Variants in CD8B observed in about 807,000 individuals in gnomAD.
CD8B encodes CD8 subunit beta.
In CD8B, 6 loss-of-function variants were observed where a neutral mutation model predicts 24.2. The ratio of observed to expected loss-of-function variants is 0.25; its 90% CI spans 0.14 to 0.49. The LOEUF (loss-of-function observed/expected upper bound fraction) is 0.49. CD8B is among the 20% of genes least tolerant of loss of function. The pLI is 0.98. For synonymous variants in CD8B, 84 were observed against 108.3 expected, an observed-to-expected ratio of 0.78 and a Z score of 1.39; for missense variants, 196 against 271.3, an observed-to-expected ratio of 0.72 and a Z score of 1.95.
chr2:86,842,105 C>G lies in CD8B; in HGVS notation c.*202G>C, dbSNP rs1432702403. On this transcript the variant is annotated 3_prime_UTR_variant, in exon 6 of 6. Coordinates refer to ENST00000390655, the MANE Select transcript of CD8B (RefSeq NM_004931.5). ...TGCCCTGGGGGCAATGAAACCTTCT[C>G]CCTAGTATTCCCGATGACCCACGAA... 3 of 1,380,114 alleles carry G rather than the reference C, an allele frequency of 2.2e-6. No homozygotes were observed. The highest frequency in any genetic ancestry group is 1.8e-5 in the South Asian group (1 of 55,172). 85.5% of individuals were successfully genotyped at this position (1,380,114 alleles called of 1,614,324 possible).
At chr2:86,838,055 C>T (rs1448030638), downstream of CD8B, among the ~76,000 whole-genome samples, 3 of 152,196 alleles carry the variant, frequency 2.0e-5, no homozygotes, top group Admixed American at 6.5e-5. Flanking sequence ...CACCTCGGAC[C>T]TGCCTCACCG....
At chr2:86,844,511 A>T (rs1024419463) in intron 5 of CD8B, 204 of 648,664 alleles carry the variant, frequency 3.1e-4, no homozygotes, top group Admixed American at 4.6e-4. Flanking sequence ...TATTCTGTGC[A>T]TGCAAAGCCT....
At chr2:86,827,558 A>T (rs1477112107) in intron 5 of CD8B, among the ~76,000 whole-genome samples, 1 of 151,262 alleles carries the variant, frequency 6.6e-6, no homozygotes, top group Non-Finnish European at 1.5e-5. Context: ...GGAGGCAGAG[A>T]TTGCAGTGAG....
At chr2:86,820,649 A>G (rs1573485000) in intron 5 of CD8B, among the ~76,000 whole-genome samples, 2 of 152,126 alleles carry the variant, frequency 1.3e-5, no homozygotes, top group South Asian at 4.1e-4. Context: ...CTTTATTGTG[A>G]TATTTGCTTT....
intron 2 of CD8B, 59 bp downstream of exon 2, chr2:86,857,998 C>T: frequency 1.9e-6 from 3 of 1,571,530 alleles, no homozygotes; most frequent in Non-Finnish European, 2.6e-6. Flanking sequence ...GGTCCCAGTG[C>T]CTGGCACGTG....
chr2:86,844,457 G>A (rs1005350275), intron 5 of CD8B: 1 of 167,982 alleles, frequency 6.0e-6, no homozygotes, highest in Non-Finnish European at 1.2e-5. Flanking sequence ...GAAATAATAG[G>A]TGGGATGAAA....
In CD8B at chr2:86,838,851, C is replaced by T. The variant is rs2104533027; in HGVS notation, c.*3456G>A. ...CAATTTTACACATTTCTACAATGTT[C>T]TGTACTTGGATTTTAAAAAGTCTCT... On this transcript the variant is annotated 3_prime_UTR_variant, in exon 6 of 6. Coordinates refer to ENST00000390655, the MANE Select transcript of CD8B (RefSeq NM_004931.5). Among the ~76,000 whole-genome samples the T allele has an allele frequency of 6.6e-6, 1 of 152,274 alleles. No individual in the cohort carries two copies. The highest frequency in any genetic ancestry group is 1.5e-5 in the Non-Finnish European group (1 of 68,022).
intron 5 of CD8B, chr2:86,822,520 C>A: frequency 1.8e-6 from 1 of 551,262 alleles, no homozygotes; most frequent in Non-Finnish European, 3.2e-6. Flanking sequence ...ATTATGAAAC[C>A]TATGGAAAGG....
chr2:86,830,342 G>A (rs1249485711), intron 5 of CD8B, among the ~76,000 whole-genome samples: 2 of 152,148 alleles, frequency 1.3e-5, no homozygotes, highest in African/African-American at 4.8e-5. Context: ...GCACTTTGGC[G>A]AGTCAGTTGA....
In CD8B at chr2:86,858,287, C is replaced by A. The variant is rs184840038; in HGVS notation, c.173G>T (p.Arg58Leu). ...SNMRIYWLRQ[R>L]QAPSSDSHHE... ...GTGACTGTCACTGCTCGGTGCCTGGCGCTGTCTCAGCCAGTAGATGCGCAT... is the reference window on the plus strand; with the variant it reads ...GTGACTGTCACTGCTCGGTGCCTGGAGCTGTCTCAGCCAGTAGATGCGCAT... The change falls in exon 2 of 6, where the codon CGC (arginine) becomes CTC (leucine). Residue 58 changes from arginine to leucine, a missense_variant. Coordinates refer to ENST00000390655, the MANE Select transcript of CD8B (RefSeq NM_004931.5). 45 of 1,613,874 alleles carry A rather than the reference C, an allele frequency of 2.8e-5. No homozygotes were observed. The highest frequency in any genetic ancestry group is 3.6e-5 in the Non-Finnish European group (43 of 1,179,880).
At position 86,842,217 on chromosome 2, in the gene CD8B, T is replaced by A. The variant is rs533494580; in HGVS notation, c.*90A>T. Reference sequence around the variant, plus strand: ...TCAGCAGCCATTGAACTCTCCAGGGTTGAATGTGTCCCTTCTCTCATTTTT... The same window carrying A: ...TCAGCAGCCATTGAACTCTCCAGGGATGAATGTGTCCCTTCTCTCATTTTT... On this transcript the variant is annotated 3_prime_UTR_variant, in exon 6 of 6. Coordinates refer to ENST00000390655, the MANE Select transcript of CD8B (RefSeq NM_004931.5). 12 of 1,495,018 alleles carry A rather than the reference T, an allele frequency of 8.0e-6. No homozygotes were observed. The Middle Eastern group carries it at 5.8e-4, about 72-fold the overall frequency. The allele number at this position is 1,495,018 out of a possible 1,614,324, so 92.6% of individuals were successfully genotyped here. A position where few individuals can be genotyped will look rare whatever the true frequency, so the allele number is the denominator to read the frequency against.
chr2:86,824,464 G>T (rs930480544), intron 5 of CD8B, among the ~76,000 whole-genome samples: 1 of 152,196 alleles, frequency 6.6e-6, no homozygotes, highest in African/African-American at 2.4e-5. Context: ...AAGAAGCCAC[G>T]TGCTCCAGGC....
At chr2:86,846,617 A>G in intron 4 of CD8B, 67 bp downstream of exon 4, 3 of 718,320 alleles carry the variant, frequency 4.2e-6, no homozygotes, top group Non-Finnish European at 7.0e-6. Context: ...CCTAGAGAAG[A>G]AAATATCCCA....
chr2:86,845,499 T>C (rs1204932455), intron 4 of CD8B, among the ~76,000 whole-genome samples: 2 of 152,218 alleles, frequency 1.3e-5, no homozygotes, highest in Non-Finnish European at 2.9e-5. Flanking sequence ...TCTTATTATG[T>C]TGTCTAGGCT....
rs138398564 is a variant in CD8B, at chr2:86,846,657, C to T, written c.583+27G>A. On this transcript the variant is annotated intron_variant, in intron 4 of 5. Coordinates refer to ENST00000390655, the MANE Select transcript of CD8B (RefSeq NM_004931.5). The stretch of plus-strand genomic sequence containing the variant: ...CACTTCAAACAGCAAACAGGGACAC[C>T]CAACAACCCAAGAGGAGACAACTCA... 9,919 of 1,335,616 alleles carry T rather than the reference C, an allele frequency of 7.4e-3. 283 individuals are homozygous for T. The East Asian group carries it at 0.1, about 14-fold the overall frequency. 82.7% of individuals were successfully genotyped at this position (1,335,616 alleles called of 1,614,324 possible). A position where few individuals can be genotyped will look rare whatever the true frequency, so the allele number is the denominator to read the frequency against.
intron 5 of CD8B, among the ~76,000 whole-genome samples, chr2:86,830,562 G>A (rs1674869140): frequency 6.7e-6 from 1 of 149,876 alleles, no homozygotes. Flanking sequence ...GTGAGACTCT[G>A]TCTCCAAAAA....
chr2:86,825,924 G>A (rs1674668190), intron 5 of CD8B, among the ~76,000 whole-genome samples: 1 of 151,952 alleles, frequency 6.6e-6, no homozygotes, highest in African/African-American at 2.4e-5. Flanking sequence ...AGACAGGGGT[G>A]CCATTCGGAC....
chr2:86,844,879 A>G (rs776195149), intron 5 of CD8B, 43 bp downstream of exon 5: 15 of 1,555,946 alleles, frequency 9.6e-6, no homozygotes, highest in Non-Finnish European at 1.3e-5. Context: ...AAGCTGCAGC[A>G]GGGGCTGAGG....
intron 5 of CD8B, chr2:86,843,242 C>T (rs1675521157): frequency 6.4e-6 from 1 of 155,468 alleles, no homozygotes; most frequent in South Asian, 2.1e-4. Flanking sequence ...ACATAGGCGC[C>T]TGCCACCACG....
Sources: gnomAD v4.1 joint callset for allele counts (sites outside exome capture counted in the v4.1 genomes callset) on GRCh38, gnomAD v4.1.1 for gene constraint, MANE v1.5 for transcripts, NCBI Gene and HGNC (gene_info 2026-07-23, HGNC 2026-07-21) for gene names.